The following USP8 variants were observed in gnomAD, a reference collection of about 807,000 sequenced individuals.
USP8 encodes ubiquitin carboxyl-terminal hydrolase 8.
In USP8, 27 loss-of-function variants were observed where a neutral mutation model predicts 130.0. The observed-to-expected ratio is 0.21, with a 90% CI of 0.15 to 0.29. USP8 has a LOEUF of 0.29. Ranked by LOEUF, USP8 falls within the 10% of genes least tolerant of loss-of-function variation. The pLI is 1.00. For missense variants in USP8, 1,029 were observed against 1,312.2 expected, an observed-to-expected ratio of 0.78 and a Z score of 3.33; for synonymous variants, 392 against 444.1, an observed-to-expected ratio of 0.88 and a Z score of 1.48.
Position 50,492,695 on chromosome 15 carries a change from C to T in USP8, c.2235-6C>T. 3 of 1,610,026 alleles carry T rather than the reference C, an allele frequency of 1.9e-6. No homozygotes were observed. The highest frequency in any genetic ancestry group is 2.5e-6 in the Non-Finnish European group (3 of 1,179,306). ...TAAGACATCTTGTATCCTTTTTCTT[C>T]CTCAGGCCAACATGTTATCCTAAAG... On this transcript the variant is annotated splice_polypyrimidine_tract_variant and splice_region_variant and intron_variant, in intron 14 of 19. Coordinates refer to ENST00000307179, the MANE Select transcript of USP8 (RefSeq NM_005154.5).
intron 7 of USP8, among the ~76,000 whole-genome samples, chr15:50,465,610 C>T (rs1478937732): frequency 2.0e-5 from 3 of 152,162 alleles, no homozygotes; most frequent in Non-Finnish European, 4.4e-5. Flanking sequence ...CCTCTCTCCC[C>T]AGATGTTTGT....
chr15:50,439,827 A>AATAATT (rs1491562399), intron 2 of USP8, among the ~76,000 whole-genome samples: 3 of 109,822 alleles, frequency 2.7e-5, no homozygotes, highest in African/African-American at 9.2e-5. Flanking sequence ...TAATAATAAT[A>AATAATT]ATTTTTTTTT....
At chr15:50,434,221 G>A (rs776073000) in intron 1 of USP8, among the ~76,000 whole-genome samples, 1 of 151,828 alleles carries the variant, frequency 6.6e-6, no homozygotes, top group Non-Finnish European at 1.5e-5. Context: ...TTCTGCCTCA[G>A]CCTCCTGAAT....
At chr15:50,489,699 T>A in intron 12 of USP8, 102 bp from the exon 13 acceptor site, 2 of 728,814 alleles carry the variant, frequency 2.7e-6, no homozygotes, top group Non-Finnish European at 4.0e-6. Context: ...GTTTTTTGAT[T>A]CTTTGGTACA....
chr15:50,443,363 A>G (rs1431668882), intron 3 of USP8, among the ~76,000 whole-genome samples: 1 of 151,792 alleles, frequency 6.6e-6, no homozygotes, highest in Non-Finnish European at 1.5e-5. Context: ...TTTTATTTTT[A>G]GAGGAGTGTG....
At position 50,511,130 on chromosome 15, in the gene USP8, A is replaced by T. The variant is rs2052734396; in HGVS notation, c.*12042A>T. 1 of 152,206 alleles carries T rather than the reference A, an allele frequency of 6.6e-6. No individual in the cohort carries two copies. Among genetic ancestry groups the T allele is most frequent in the Non-Finnish European group, 1.5e-5 (1 of 68,040 alleles). The allele number at this position is 152,206 out of a possible 1,614,324, so 9.4% of individuals were successfully genotyped here. On this transcript the variant is annotated 3_prime_UTR_variant, in exon 20 of 20. Transcript: ENST00000307179. The stretch of plus-strand genomic sequence containing the variant: ...TCTTTCAGATTTTCTGAATGTTTGC[A>T]AAGTTTTATTTTAAAAACTGGAGAG...
intron 8 of USP8, among the ~76,000 whole-genome samples, chr15:50,473,036 A>G (rs981944587): frequency 6.6e-6 from 1 of 152,222 alleles, no homozygotes; most frequent in Non-Finnish European, 1.5e-5. Flanking sequence ...TTAAGATAAA[A>G]TAGTAAAATA....
chr15:50,498,242 T>A (rs575751347), intron 18 of USP8: 1 of 171,832 alleles, frequency 5.8e-6, no homozygotes, highest in African/African-American at 2.4e-5. Context: ...CAAGCTTGAC[T>A]CGAGAGCAGC....
At chr15:50,498,837 C>A in intron 19 of USP8, 66 bp from the exon 20 acceptor site, 1 of 1,549,234 alleles carries the variant, frequency 6.5e-7, no homozygotes. Context: ...AGCTTTGAAA[C>A]TATTGGCGTA....
At chr15:50,425,401 G>A (rs1282505425) in intron 1 of USP8, among the ~76,000 whole-genome samples, 3 of 152,222 alleles carry the variant, frequency 2.0e-5, no homozygotes, top group Non-Finnish European at 4.4e-5. Context: ...TTTTAGGCTT[G>A]CTCTGCTGCG....
intron 12 of USP8, among the ~76,000 whole-genome samples, chr15:50,488,849 A>G (rs1053861259): frequency 2.0e-4 from 31 of 151,976 alleles, no homozygotes; most frequent in African/African-American, 7.0e-4. Context: ...CTGGGATTAC[A>G]GGCGTGAGCC....
intron 12 of USP8, among the ~76,000 whole-genome samples, chr15:50,486,014 G>T (rs565578250): frequency 2.0e-5 from 3 of 152,144 alleles, no homozygotes; most frequent in African/African-American, 7.2e-5. Flanking sequence ...TCAATCTGTG[G>T]ATGGTTGAAT....
At chr15:50,453,699 G>C (rs909514256) in intron 4 of USP8, among the ~76,000 whole-genome samples, 2 of 152,028 alleles carry the variant, frequency 1.3e-5, no homozygotes, top group African/African-American at 4.8e-5. Flanking sequence ...AACAATTACT[G>C]AGAGAGTCAT....
rs2051374419 is a variant in USP8, at chr15:50,471,493, A to G, written c.687-140A>G. 7 of 801,870 alleles carry G rather than the reference A, an allele frequency of 8.7e-6. No homozygotes were observed. The South Asian group carries it at 1.4e-4, about 16-fold the overall frequency. 49.7% of individuals were successfully genotyped at this position (801,870 alleles called of 1,614,324 possible). On this transcript the variant is annotated intron_variant, in intron 7 of 19. Transcript: ENST00000307179. ...GTTAGGCTGTTTAATATCTTAATATATAACCTCACCTTAGAAAGGAATCTA... is the reference window on the plus strand; with the variant it reads ...GTTAGGCTGTTTAATATCTTAATATGTAACCTCACCTTAGAAAGGAATCTA...
intron 4 of USP8, among the ~76,000 whole-genome samples, chr15:50,454,446 T>C (rs1310983839): frequency 7.0e-6 from 1 of 142,640 alleles, no homozygotes; most frequent in African/African-American, 2.7e-5. Flanking sequence ...GATTGGATAA[T>C]TTTCTTTTCT....
At position 50,510,269 on chromosome 15, in the gene USP8, G is replaced by A. The variant is rs1314833546; in HGVS notation, c.*11181G>A. On this transcript the variant is annotated 3_prime_UTR_variant, in exon 20 of 20. Transcript: ENST00000307179. The stretch of plus-strand genomic sequence containing the variant: ...GTCAGAAGTGCAAAACAATTTAAAT[G>A]TTTGGAAGATATGTAGGTAAATATC... 6.6e-6 allele frequency: 1 copy of A among 152,154 alleles called. No homozygotes were observed. The highest frequency in any genetic ancestry group is 1.5e-5 in the Non-Finnish European group (1 of 68,018). 9.4% of individuals were successfully genotyped at this position (152,154 alleles called of 1,614,324 possible). A position where few individuals can be genotyped will look rare whatever the true frequency, so the allele number is the denominator to read the frequency against.
intron 7 of USP8, among the ~76,000 whole-genome samples, chr15:50,465,667 A>G (rs1224540162): frequency 6.6e-6 from 1 of 152,194 alleles, no homozygotes; most frequent in Non-Finnish European, 1.5e-5. Flanking sequence ...TGTGAATCGT[A>G]TGTACCAAAT....
chr15:50,465,100 T>G lies in USP8; in HGVS notation c.595T>G (p.Leu199Val). The G allele has an allele frequency of 6.2e-7, 1 of 1,614,082 alleles. No homozygotes were observed. The highest frequency in any genetic ancestry group is 2.2e-5 in the East Asian group (1 of 44,870). ...YTMMTDKNIS[L>V]IIMDARRMQD... ...AATGATGACGGATAAAAACATCAGCTTGATTATAATGGATGCTCGAAGAAT... is the reference window on the plus strand; with the variant it reads ...AATGATGACGGATAAAAACATCAGCGTGATTATAATGGATGCTCGAAGAAT... The change falls in exon 7 of 20, where the codon TTG (leucine) becomes GTG (valine). Residue 199 changes from leucine (L) to valine (V), a missense_variant. Leu to Val is a conservative substitution (Grantham distance 32). Coordinates refer to ENST00000307179, the MANE Select transcript of USP8 (RefSeq NM_005154.5).
Position 50,449,477 on chromosome 15 carries a change from T to C in USP8, c.327T>C (p.Leu109=). The C allele has an allele frequency of 1.3e-6, 2 of 1,581,064 alleles. No homozygotes were observed. The highest frequency in any genetic ancestry group is 1.7e-6 in the Non-Finnish European group (2 of 1,158,690). ...AAGCTGAAAGACTCTCTGAAAGCCT[T>C]AAATTAAGGTACAGATATTATGAAA... ...VEEAERLSES[L]KLRYEEAEVR... The change falls in exon 4 of 20, where the codon CTT becomes CTC. Residue 109 remains leucine, a synonymous_variant. Transcript: ENST00000307179.
Sources: gnomAD v4.1 joint callset for allele counts (sites outside exome capture counted in the v4.1 genomes callset) on GRCh38, gnomAD v4.1.1 for gene constraint, MANE v1.5 for transcripts, NCBI Gene and HGNC (gene_info 2026-07-23, HGNC 2026-07-21) for gene names.